Variants in MFSD6 observed in about 807,000 individuals in gnomAD.
The protein encoded by MFSD6 is major facilitator superfamily domain containing 6.
MFSD6 carries 26 observed loss-of-function variants against 56.3 expected under a neutral mutation model. The ratio of observed to expected loss-of-function variants is 0.46; its 90% CI spans 0.34 to 0.64. The LOEUF is 0.64. MFSD6 is among the 30% of genes least tolerant of loss of function. The probability of loss-of-function intolerance (pLI) is 0.01; values close to 1 mark genes in which losing one functional copy is unlikely to be tolerated. For synonymous variants in MFSD6, 331 were observed against 366.9 expected, an observed-to-expected ratio of 0.90 and a Z score of 1.12; for missense variants, 750 against 986.2, an observed-to-expected ratio of 0.76 and a Z score of 3.21.
rs990556475 is a variant in MFSD6, at chr2:190,431,457, C to T, written c.-53-4520C>T. Among the ~76,000 whole-genome samples the T allele has an allele frequency of 1.3e-5, 2 of 152,258 alleles. No homozygotes were observed. Among genetic ancestry groups the T allele is most frequent in the Non-Finnish European group, 2.9e-5 (2 of 68,050 alleles). The stretch of plus-strand genomic sequence containing the variant: ...CGAGACTCCGTCTGCAATCCCGGCA[C>T]CTCTGGAGGCCGAGGCTGGCGGATC... On this transcript the variant is annotated intron_variant, in intron 2 of 7. Transcript: ENST00000392328. This position sits in a 1 kb window ranked among gnomAD's most constrained non-coding sequence, Gnocchi z 4.4.
rs1348614651 is a variant in MFSD6, at chr2:190,458,629, C to T, written c.1533-11129C>T. Among the ~76,000 whole-genome samples the T allele has an allele frequency of 1.3e-5, 2 of 152,172 alleles. No individual in the cohort carries two copies. Among genetic ancestry groups the T allele is most frequent in the Non-Finnish European group, 2.9e-5 (2 of 68,026 alleles). ...GAGTGCTTGACAGATGGTTATTAGC[C>T]TTTGCTTGACCGTTTCTAGAGATAT... On this transcript the variant is annotated intron_variant, in intron 3 of 7. Coordinates refer to ENST00000392328, the MANE Select transcript of MFSD6 (RefSeq NM_017694.4). This position sits in a 1 kb window ranked among gnomAD's most constrained non-coding sequence, Gnocchi z 5.3.
Position 190,438,881 on chromosome 2 carries a change from A to G in MFSD6, c.1532+1320A>G, listed in dbSNP as rs1029368877. On this transcript the variant is annotated intron_variant, in intron 3 of 7. Coordinates refer to ENST00000392328, the MANE Select transcript of MFSD6 (RefSeq NM_017694.4). This position sits in a 1 kb window ranked among gnomAD's most constrained non-coding sequence, Gnocchi z 5.2. Reference sequence around the variant, plus strand: ...CTAGTATCAACCATTTCTTTAAGCAATTGTGAGTATTTTTTCTTGTTGGTT... The same window carrying G: ...CTAGTATCAACCATTTCTTTAAGCAGTTGTGAGTATTTTTTCTTGTTGGTT... Among the ~76,000 whole-genome samples the G allele has an allele frequency of 6.6e-6, 1 of 152,180 alleles. No homozygotes were observed. The highest frequency in any genetic ancestry group is 2.4e-5 in the African/African-American group (1 of 41,442).
intron 3 of MFSD6, among the ~76,000 whole-genome samples, chr2:190,446,997 A>T (rs1042995451): frequency 6.6e-6 from 1 of 152,166 alleles, no homozygotes; most frequent in African/African-American, 2.4e-5. Context: ...CATCACCACA[A>T]ACATTTATCC....
At chr2:190,453,625 C>T (rs1686865102) in intron 3 of MFSD6, among the ~76,000 whole-genome samples, 1 of 152,204 alleles carries the variant, frequency 6.6e-6, no homozygotes, top group African/African-American at 2.4e-5. Context: ...AAATTACATC[C>T]TAATGTCAGA....
Position 190,446,236 on chromosome 2 carries a change from A to G in MFSD6, c.1532+8675A>G, listed in dbSNP as rs537104360. On this transcript the variant is annotated intron_variant, in intron 3 of 7. Coordinates refer to ENST00000392328, the MANE Select transcript of MFSD6 (RefSeq NM_017694.4). ...TTATCTGAGTTTTAATAATCATAGAATTATTACAAACTCTGAAAGAGTTTG... is the reference window on the plus strand; with the variant it reads ...TTATCTGAGTTTTAATAATCATAGAGTTATTACAAACTCTGAAAGAGTTTG... Among the ~76,000 whole-genome samples, 7 of 152,274 alleles carry G rather than the reference A, an allele frequency of 4.6e-5. No homozygotes were observed. The East Asian group carries it at 9.6e-4, about 21-fold the overall frequency.
At position 190,463,351 on chromosome 2, in the gene MFSD6, A is replaced by C. The variant is rs2125123224; in HGVS notation, c.1533-6407A>C. ...AGGTCAATAGTGTGAATCAGTGATT[A>C]TGTAGAAATAAGCTTCATTCCTGGG... On this transcript the variant is annotated intron_variant, in intron 3 of 7. Coordinates refer to ENST00000392328, the MANE Select transcript of MFSD6 (RefSeq NM_017694.4). The surrounding 1 kb of genome is among the most constrained non-coding windows in gnomAD (Gnocchi z 4.4). Among the ~76,000 whole-genome samples the C allele has an allele frequency of 6.6e-6, 1 of 152,350 alleles. No homozygotes were observed. Among genetic ancestry groups the C allele is most frequent in the South Asian group, 2.1e-4 (1 of 4,826 alleles).
rs1196912035 is a variant in MFSD6, at chr2:190,410,086, CAAAT to C, written c.-176+1587_-176+1590del. On this transcript the variant is annotated intron_variant, in intron 1 of 7. Coordinates refer to ENST00000392328, the MANE Select transcript of MFSD6 (RefSeq NM_017694.4). The surrounding 1 kb of genome is among the most constrained non-coding windows in gnomAD (Gnocchi z 4.4). ...ACAAATAAATATAAAAGCGTGAAGG[CAAAT>C]AAAACACAAAGACAAAAAGCAGAGT... Among the ~76,000 whole-genome samples the C allele has an allele frequency of 6.6e-6, 1 of 152,066 alleles. No individual in the cohort carries two copies. The highest frequency in any genetic ancestry group is 2.4e-5 in the African/African-American group (1 of 41,396).
intron 3 of MFSD6, among the ~76,000 whole-genome samples, chr2:190,446,975 C>T (rs1275723692): frequency 6.6e-6 from 1 of 152,124 alleles, no homozygotes; most frequent in African/African-American, 2.4e-5. Flanking sequence ...GCTGCTGGGA[C>T]AGGTCACAAG....
Position 190,412,317 on chromosome 2 carries a change from T to G in MFSD6, c.-175-2975T>G. 2 of 984,136 alleles carry G rather than the reference T, an allele frequency of 2.0e-6. No homozygotes were observed. The highest frequency in any genetic ancestry group is 2.4e-6 in the Non-Finnish European group (2 of 828,762). The allele number at this position is 984,136 out of a possible 1,614,324, so 61.0% of individuals were successfully genotyped here. A position where few individuals can be genotyped will look rare whatever the true frequency, so the allele number is the denominator to read the frequency against. ...AGAAAGAGGGAATTGTAAAAGTATT[T>G]TACAGAAGAGATATTCTCACAATTT... On this transcript the variant is annotated intron_variant, in intron 1 of 7. Transcript: ENST00000392328. This position sits in a 1 kb window ranked among gnomAD's most constrained non-coding sequence, Gnocchi z 4.1.
In MFSD6 at chr2:190,456,630, C is replaced by T. The variant is rs535606578; in HGVS notation, c.1533-13128C>T. ...CTCTCTGTGGCCTGTTCACACCCCT[C>T]TCCTTTCACAATCCTGTGTATGGTG... On this transcript the variant is annotated intron_variant, in intron 3 of 7. Coordinates refer to ENST00000392328, the MANE Select transcript of MFSD6 (RefSeq NM_017694.4). This position sits in a 1 kb window ranked among gnomAD's most constrained non-coding sequence, Gnocchi z 5.4. 1.3e-5 allele frequency among the ~76,000 whole-genome samples: 2 copies of T among 152,244 alleles called. No individual in the cohort carries two copies. Among genetic ancestry groups the T allele is most frequent in the African/African-American group, 2.4e-5 (1 of 41,472 alleles).
Position 190,477,956 on chromosome 2 carries a change from G to A in MFSD6, c.1630+8101G>A, listed in dbSNP as rs181369731. Among the ~76,000 whole-genome samples the A allele has an allele frequency of 4.0e-3, 603 of 152,310 alleles. 5 individuals carry two copies. Among genetic ancestry groups the A allele is most frequent in the Non-Finnish European group, 6.9e-3 (469 of 68,030 alleles). ...GTAGGCATTCCAGCATGGGGGAAGA[G>A]CTGTGTGCGAAGGCACAGAAGAGAA... On this transcript the variant is annotated intron_variant, in intron 4 of 7. Coordinates refer to ENST00000392328, the MANE Select transcript of MFSD6 (RefSeq NM_017694.4).
At position 190,469,102 on chromosome 2, in the gene MFSD6, G is replaced by C. The variant is rs747921295; in HGVS notation, c.1533-656G>C. ...ATGGTGGGGGTGAGAGAATGCAAGA[G>C]GTTGGTGTATATTTATTAGTTTTGT... is the stretch of plus-strand genomic sequence containing the variant. On this transcript the variant is annotated intron_variant, in intron 3 of 7. Transcript: ENST00000392328. This position sits in a 1 kb window ranked among gnomAD's most constrained non-coding sequence, Gnocchi z 5.3. Among the ~76,000 whole-genome samples, 5 of 152,066 alleles carry C rather than the reference G, an allele frequency of 3.3e-5. No individual in the cohort carries two copies. Among genetic ancestry groups the C allele is most frequent in the Non-Finnish European group, 7.4e-5 (5 of 68,018 alleles).
chr2:190,441,331 A>G (rs1050951702), intron 3 of MFSD6, among the ~76,000 whole-genome samples: 1 of 152,082 alleles, frequency 6.6e-6, no homozygotes, highest in Non-Finnish European at 1.5e-5. Flanking sequence ...GGTTGCACCC[A>G]GACCAATTAC....
At chr2:190,421,524 C>A (rs1323127959) in intron 2 of MFSD6, among the ~76,000 whole-genome samples, 1 of 152,054 alleles carries the variant, frequency 6.6e-6, no homozygotes, top group Non-Finnish European at 1.5e-5. Context: ...AAACAGACTT[C>A]TGTGCTCTTT....
At chr2:190,474,551 C>G (rs1688165720) in intron 4 of MFSD6, among the ~76,000 whole-genome samples, 1 of 152,078 alleles carries the variant, frequency 6.6e-6, no homozygotes, top group South Asian at 2.1e-4. Flanking sequence ...CAATAAAAGG[C>G]TCTGAAATTG....
chr2:190,453,513 T>A (rs1183065376), intron 3 of MFSD6, among the ~76,000 whole-genome samples: 3 of 152,208 alleles, frequency 2.0e-5, no homozygotes, highest in African/African-American at 7.2e-5. Flanking sequence ...GAACTCTTCA[T>A]CAAAGAAGGA....
chr2:190,430,907 A>G (rs1390158250), intron 2 of MFSD6, among the ~76,000 whole-genome samples: 1 of 110,378 alleles, frequency 9.1e-6, no homozygotes, highest in Non-Finnish European at 1.9e-5. Context: ...CACTTCCCAG[A>G]TGGGGTGGCT....
rs1687221756 is a variant in MFSD6 at position 190,459,671 on chromosome 2, T to C, written c.1533-10087T>C. 6.6e-6 allele frequency among the ~76,000 whole-genome samples: 1 copy of C among 152,188 alleles called. No homozygotes were observed. The highest frequency in any genetic ancestry group is 2.1e-4 in the South Asian group (1 of 4,836). The stretch of plus-strand genomic sequence containing the variant: ...AAACTAAAATAACAATGGAGAGATA[T>C]AAACATGGTCACAGCACAGTGACCA... On this transcript the variant is annotated intron_variant, in intron 3 of 7. Transcript: ENST00000392328. This position sits in a 1 kb window ranked among gnomAD's most constrained non-coding sequence, Gnocchi z 5.3.
At position 190,471,221 on chromosome 2, in the gene MFSD6, T is replaced by A. The variant is rs1047700190; in HGVS notation, c.1630+1366T>A. On this transcript the variant is annotated intron_variant, in intron 4 of 7. Coordinates refer to ENST00000392328, the MANE Select transcript of MFSD6 (RefSeq NM_017694.4). This position sits in a 1 kb window ranked among gnomAD's most constrained non-coding sequence, Gnocchi z 4.7. Reference sequence around the variant, plus strand: ...AACTGAGGTACCGGGTTCATCTCACTGGGGATTGTCAGGCAGTGGGTGCAG... The same window carrying A: ...AACTGAGGTACCGGGTTCATCTCACAGGGGATTGTCAGGCAGTGGGTGCAG... Among the ~76,000 whole-genome samples, 2 of 152,138 alleles carry A rather than the reference T, an allele frequency of 1.3e-5. No individual in the cohort carries two copies. The highest frequency in any genetic ancestry group is 3.9e-4 in the East Asian group (2 of 5,190).
Sources: gnomAD v4.1 joint callset for allele counts (sites outside exome capture counted in the v4.1 genomes callset) on GRCh38, gnomAD v4.1.1 for gene constraint, Gnocchi (gnomAD v3.1) non-coding constraint, MANE v1.5 for transcripts, NCBI Gene and HGNC (gene_info 2026-07-23, HGNC 2026-07-21) for gene names.